EPHA3: variants seen among roughly 807,000 people sequenced by gnomAD.
The protein encoded by EPHA3 is EPH receptor A3, also known as ephrin type-A receptor 3.
A neutral mutation model predicts 107.1 loss-of-function variants in EPHA3; 42 were observed. The ratio of observed to expected loss-of-function variants is 0.39; its 90% CI spans 0.31 to 0.51. The LOEUF is 0.51. Among genes scored for constraint, EPHA3 ranks in the 20% least tolerant of loss-of-function variants. EPHA3 has a pLI of 0.78. For synonymous variants in EPHA3, 461 were observed against 424.8 expected (o/e 1.09, Z -1.05); for missense variants, 1,183 against 1,211.2 (o/e 0.98, Z 0.35).
intron 3 of EPHA3, among the ~76,000 whole-genome samples, chr3:89,231,777 T>G (rs994706536): frequency 1.3e-5 from 2 of 152,116 alleles, no homozygotes; most frequent in African/African-American, 4.8e-5. Flanking sequence ...AAATAATACA[T>G]CTATTTAAAC....
intron 2 of EPHA3, among the ~76,000 whole-genome samples, chr3:89,209,550 A>G (rs548800392): frequency 6.6e-6 from 1 of 152,272 alleles, no homozygotes; most frequent in Non-Finnish European, 1.5e-5. Context: ...AGAAAATAAT[A>G]TTATAGTGTC....
chr3:89,325,714 C>T (rs1195619355), intron 3 of EPHA3, among the ~76,000 whole-genome samples: 1 of 152,148 alleles, frequency 6.6e-6, no homozygotes, highest in South Asian at 2.1e-4. Context: ...GTACTTTGTA[C>T]ATATCACAGA....
At chr3:89,282,825 C>T (rs73846121) in intron 3 of EPHA3, among the ~76,000 whole-genome samples, 2,562 of 152,072 alleles carry the variant, frequency 0.017, 81 homozygotes, top group African/African-American at 0.058. Flanking sequence ...TGTGTTATGA[C>T]TTTTTCAATA....
chr3:89,365,191 A>G (rs1708164456), intron 5 of EPHA3, among the ~76,000 whole-genome samples: 1 of 150,752 alleles, frequency 6.6e-6, no homozygotes, highest in South Asian at 2.1e-4. Context: ...GTGGACAATA[A>G]AAGGTAAAGA....
intron 2 of EPHA3, among the ~76,000 whole-genome samples, chr3:89,191,965 G>T (rs184599346): frequency 2.6e-5 from 4 of 152,110 alleles, no homozygotes; most frequent in Non-Finnish European, 5.9e-5. Context: ...GTCATAAAAT[G>T]GTTAAATAGT....
chr3:89,314,634 T>C (rs1015067983), intron 3 of EPHA3, among the ~76,000 whole-genome samples: 1 of 151,978 alleles, frequency 6.6e-6, no homozygotes, highest in Non-Finnish European at 1.5e-5. Context: ...TAACATAAGA[T>C]GCATTCAGCT....
intron 3 of EPHA3, among the ~76,000 whole-genome samples, chr3:89,256,468 A>G (rs192312476): frequency 4.7e-4 from 71 of 151,306 alleles, no homozygotes; most frequent in African/African-American, 1.7e-3. Context: ...CTACTCGGGA[A>G]CCTGAGGCAG....
At position 89,309,270 on chromosome 3, in the gene EPHA3, G is replaced by A. The variant is rs768472282; in HGVS notation, c.815-31646G>A. On this transcript the variant is annotated intron_variant, in intron 3 of 16. Coordinates refer to ENST00000336596, the MANE Select transcript of EPHA3 (RefSeq NM_005233.6). Reference sequence around the variant, plus strand: ...CTCTTTCCACAAATATTTTCAAGACGAAAACTTAATTGTTACATCAGCATT... The same window carrying A: ...CTCTTTCCACAAATATTTTCAAGACAAAAACTTAATTGTTACATCAGCATT... Among the ~76,000 whole-genome samples the A allele has an allele frequency of 7.9e-5, 12 of 152,236 alleles. No individual in the cohort carries two copies. The South Asian group carries it at 1.0e-3, about 13-fold the overall frequency.
At chr3:89,201,804 C>G (rs1264397502) in intron 2 of EPHA3, among the ~76,000 whole-genome samples, 1 of 152,092 alleles carries the variant, frequency 6.6e-6, no homozygotes, top group Non-Finnish European at 1.5e-5. Flanking sequence ...TCAATTAGCC[C>G]AGGGTAAAAT....
At position 89,214,668 on chromosome 3, in the gene EPHA3, A is replaced by G. The variant is rs1470175740; in HGVS notation, c.814+4148A>G. On this transcript the variant is annotated intron_variant, in intron 3 of 16. Transcript: ENST00000336596. ...TGGGTGATATTTCCTCCATTATCTTATTGTTAAGTGTTATTTTTCTTCCAA... is the reference window on the plus strand; with the variant it reads ...TGGGTGATATTTCCTCCATTATCTTGTTGTTAAGTGTTATTTTTCTTCCAA... Among the ~76,000 whole-genome samples, 3 of 151,828 alleles carry G rather than the reference A, an allele frequency of 2.0e-5. No homozygotes were observed. In the East Asian group the frequency reaches 5.8e-4, roughly 29 times the overall value.
chr3:89,241,031 T>C (rs955992443), intron 3 of EPHA3, among the ~76,000 whole-genome samples: 8 of 152,078 alleles, frequency 5.3e-5, no homozygotes, highest in African/African-American at 1.9e-4. Flanking sequence ...ATTTTTTTTT[T>C]CATTTACCTG....
At chr3:89,255,997 G>A (rs1405278335) in intron 3 of EPHA3, among the ~76,000 whole-genome samples, 2 of 152,154 alleles carry the variant, frequency 1.3e-5, no homozygotes, top group Non-Finnish European at 2.9e-5. Context: ...GGAGGCCAAA[G>A]CCAGCAGATC....
At chr3:89,188,534 ACTC>A (rs897006995) in intron 2 of EPHA3, among the ~76,000 whole-genome samples, 1 of 151,126 alleles carries the variant, frequency 6.6e-6, no homozygotes, top group African/African-American at 2.4e-5. Context: ...CATTCTTCAA[ACTC>A]CTTCTATTCT....
chr3:89,170,092 TA>T (rs902351446), intron 2 of EPHA3, among the ~76,000 whole-genome samples: 1 of 150,646 alleles, frequency 6.6e-6, no homozygotes, highest in East Asian at 2.0e-4. Context: ...ACTAAAACTA[TA>T]AAAAAAAATT....
chr3:89,471,968 T>G (rs1455836444), intron 15 of EPHA3, among the ~76,000 whole-genome samples: 3 of 152,162 alleles, frequency 2.0e-5, no homozygotes, highest in African/African-American at 7.2e-5. Context: ...TGAGTTTATG[T>G]CCTGCTGTGA....
intron 3 of EPHA3, among the ~76,000 whole-genome samples, chr3:89,261,625 T>C (rs977894880): frequency 1.3e-5 from 2 of 152,086 alleles, no homozygotes; most frequent in Non-Finnish European, 2.9e-5. Flanking sequence ...CTTAAATAAA[T>C]GGATATTTGA....
chr3:89,371,229 CATT>C (rs1708293795), intron 5 of EPHA3, among the ~76,000 whole-genome samples: 3 of 151,536 alleles, frequency 2.0e-5, no homozygotes, highest in Admixed American at 2.0e-4. Flanking sequence ...GATTTTGAGA[CATT>C]ATAATTTGTA....
intron 2 of EPHA3, among the ~76,000 whole-genome samples, chr3:89,178,261 T>C (rs1441144381): frequency 6.6e-6 from 1 of 152,060 alleles, no homozygotes. Context: ...GATAGATAGA[T>C]AGTAAATAAT....
intron 5 of EPHA3, among the ~76,000 whole-genome samples, chr3:89,355,275 A>G (rs185536587): frequency 2.6e-4 from 39 of 151,324 alleles, no homozygotes; most frequent in Admixed American, 1.3e-3. Flanking sequence ...AGTAGGTCAG[A>G]ACTATTGCTT....
Sources: allele counts gnomAD v4.1 joint callset (sites outside exome capture counted in the v4.1 genomes callset), GRCh38; gene constraint gnomAD v4.1.1; transcripts MANE v1.5; gene names NCBI Gene and HGNC (gene_info 2026-07-23, HGNC 2026-07-21).